The following ALDH2 variants were observed in gnomAD, a reference collection of about 807,000 sequenced individuals.
The protein encoded by ALDH2 is aldehyde dehydrogenase, mitochondrial.
A neutral mutation model predicts 59.6 loss-of-function variants in ALDH2; 44 were observed. The observed-to-expected ratio is 0.74, with a 90% confidence interval of 0.58 to 0.95. The LOEUF is 0.95. Among genes scored for constraint, ALDH2 ranks in the 40% least tolerant of loss-of-function variants. ALDH2 has a pLI of 0.00. For missense variants in ALDH2, 570 were observed against 696.3 expected (o/e 0.82, Z 2.04); for synonymous variants, 291 against 284.0 (o/e 1.02, Z -0.25).
chr12:111,794,584 G>A (rs918178637), intron 9 of ALDH2, among the ~76,000 whole-genome samples: 19 of 152,072 alleles, frequency 1.2e-4, no homozygotes, highest in African/African-American at 4.3e-4. Flanking sequence ...ATGGCTCACT[G>A]CAGGCTTAAC....
chr12:111,791,463 G>A (rs771626523), intron 7 of ALDH2, 44 bp downstream of exon 7: 1 of 1,460,208 alleles, frequency 6.8e-7, no homozygotes, highest in Admixed American at 1.8e-5. Context: ...CTTGGCCCAA[G>A]CTCCCCCTGT....
At position 111,815,739 on chromosome 12, in the gene ALDH2, A is replaced by G. The variant is rs901714526; in HGVS notation, c.*6164A>G. 1.3e-5 allele frequency: 2 copies of G among 151,246 alleles called. No homozygotes were observed. The highest frequency in any genetic ancestry group is 1.5e-5 in the Non-Finnish European group (1 of 68,020). The allele number at this position is 151,246 out of a possible 1,614,324, so 9.4% of individuals were successfully genotyped here. ...ATCCTCCCACCTCAGCCTCCTGAGT[A>G]GCTGGGATTATAGGCGTGCACTACC... On this transcript the variant is annotated 3_prime_UTR_variant, in exon 13 of 13. Coordinates refer to ENST00000261733, the MANE Select transcript of ALDH2 (RefSeq NM_000690.4).
intron 6 of ALDH2, among the ~76,000 whole-genome samples, 157 bp downstream of exon 6, chr12:111,790,719 C>T (rs1005143053): frequency 1.3e-5 from 2 of 152,094 alleles, no homozygotes; most frequent in Non-Finnish European, 2.9e-5. Context: ...TAGCTTTTTT[C>T]CACATTGGAC....
chr12:111,804,131 C>G (rs2068475027), intron 12 of ALDH2, among the ~76,000 whole-genome samples, 158 bp downstream of exon 12: 1 of 151,968 alleles, frequency 6.6e-6, no homozygotes, highest in Non-Finnish European at 1.5e-5. Context: ...AGTTCAGGAC[C>G]TGCTGGGGAT....
At position 111,812,035 on chromosome 12, in the gene ALDH2, C is replaced by G. The variant is rs959108541; in HGVS notation, c.*2460C>G. On this transcript the variant is annotated 3_prime_UTR_variant, in exon 13 of 13. Transcript: ENST00000261733. Reference sequence around the variant, plus strand: ...AGGTAAGGTCACGTGGGTCACGTGTCCACTGGACAGGGGGCCCTTCCCTGC... The same window carrying G: ...AGGTAAGGTCACGTGGGTCACGTGTGCACTGGACAGGGGGCCCTTCCCTGC... 6.5e-6 allele frequency: 1 copy of G among 153,900 alleles called. No individual in the cohort carries two copies. The highest frequency in any genetic ancestry group is 1.4e-5 in the Non-Finnish European group (1 of 69,170). The allele number at this position is 153,900 out of a possible 1,614,324, so 9.5% of individuals were successfully genotyped here.
In ALDH2 at chr12:111,803,907, C is replaced by T; in HGVS notation, c.1455C>T (p.Tyr485=). Residue 485 remains tyrosine, a synonymous_variant, in exon 12 of 13, where the codon TAC becomes TAT. Coordinates refer to ENST00000261733, the MANE Select transcript of ALDH2 (RefSeq NM_000690.4). ...VFGAQSPFGG[Y]KMSGSGRELG... ...GAGCCCAGTCACCCTTTGGTGGCTA[C>T]AAGATGTCGGGGAGTGGCCGGGAGT... 1.9e-6 allele frequency: 3 copies of T among 1,613,526 alleles called. No individual in the cohort carries two copies. Among genetic ancestry groups the T allele is most frequent in the Non-Finnish European group, 1.7e-6 (2 of 1,179,728 alleles).
rs1193199171 is a variant in ALDH2, at chr12:111,816,015, A to C, written c.*6440A>C. The C allele has an allele frequency of 6.6e-6, 1 of 152,130 alleles. No individual in the cohort carries two copies. The highest frequency in any genetic ancestry group is 1.5e-5 in the Non-Finnish European group (1 of 68,036). The allele number at this position is 152,130 out of a possible 1,614,324, so 9.4% of individuals were successfully genotyped here. A position where few individuals can be genotyped will look rare whatever the true frequency, so the allele number is the denominator to read the frequency against. ...TGATAGTACGGATATTTATCCCCTC[A>C]AAATCTCATGTTAAAATGTAATCTT... On this transcript the variant is annotated 3_prime_UTR_variant, in exon 13 of 13. Transcript: ENST00000261733.
intron 4 of ALDH2, among the ~76,000 whole-genome samples, chr12:111,789,178 CAGCTAATTTT>C (rs1448255046): frequency 3.0e-4 from 46 of 151,290 alleles, no homozygotes; most frequent in African/African-American, 1.1e-3. Flanking sequence ...CCACCACGCC[CAGCTAATTTT>C]TTGTATTTTT....
In ALDH2 at chr12:111,767,089, G is replaced by T. The variant is rs2068164646; in HGVS notation, c.107G>T (p.Cys36Phe). ...CCCAACCAGCAGCCCGAGGTCTTCT[G>T]CAACCAGGTGAGCCCACCGGCCGGG... ...PAPNQQPEVF[C>F]NQIFINNEWH... The change falls in exon 1 of 13, where the codon TGC becomes TTC. Residue 36 changes from cysteine to phenylalanine, a missense_variant. Coordinates refer to ENST00000261733, the MANE Select transcript of ALDH2 (RefSeq NM_000690.4). 1 of 1,507,062 alleles carries T rather than the reference G, an allele frequency of 6.6e-7. No homozygotes were observed. 93.4% of individuals were successfully genotyped at this position (1,507,062 alleles called of 1,614,324 possible).
chr12:111,780,451 T>A (rs373644927), intron 1 of ALDH2, among the ~76,000 whole-genome samples: 1 of 152,344 alleles, frequency 6.6e-6, no homozygotes, highest in East Asian at 1.9e-4. Context: ...TTCTCAAATC[T>A]ACCAGACTTA....
chr12:111,778,927 C>T (rs771351435), intron 1 of ALDH2, among the ~76,000 whole-genome samples: 4 of 151,690 alleles, frequency 2.6e-5, no homozygotes, highest in Non-Finnish European at 4.4e-5. Context: ...GATGCAATCA[C>T]GGCTTACTGC....
Position 111,814,611 on chromosome 12 carries a change from G to C in ALDH2, c.*5036G>C, listed in dbSNP as rs2068559093. The stretch of plus-strand genomic sequence containing the variant: ...TGTAATCTCAGCATTTTGGGATACT[G>C]AGGCGGGTGGATTACCTGAGGCCAG... On this transcript the variant is annotated 3_prime_UTR_variant, in exon 13 of 13. Transcript: ENST00000261733. 1 of 150,998 alleles carries C rather than the reference G, an allele frequency of 6.6e-6. No individual in the cohort carries two copies. Among genetic ancestry groups the C allele is most frequent in the African/African-American group, 2.4e-5 (1 of 41,052 alleles). The allele number at this position is 150,998 out of a possible 1,614,324, so 9.4% of individuals were successfully genotyped here.
intron 9 of ALDH2, among the ~76,000 whole-genome samples, chr12:111,797,862 A>T (rs957811357): frequency 6.6e-6 from 1 of 152,142 alleles, no homozygotes; most frequent in African/African-American, 2.4e-5. Context: ...TTGAAAAGTA[A>T]AGATTGATTT....
At chr12:111,797,228 T>C (rs563802560) in intron 9 of ALDH2, among the ~76,000 whole-genome samples, 66 of 152,326 alleles carry the variant, frequency 4.3e-4, no homozygotes, top group South Asian at 3.1e-3. Flanking sequence ...CCACTGCCCC[T>C]GGCCCAAGCT....
intron 2 of ALDH2, 117 bp downstream of exon 2, chr12:111,782,139 G>A: frequency 1.3e-6 from 1 of 745,324 alleles, no homozygotes; most frequent in Non-Finnish European, 2.3e-6. Context: ...ACAGATACCA[G>A]TGAAAAATTC....
In ALDH2 at chr12:111,790,421, T is replaced by C. The variant is rs762429882; in HGVS notation, c.553-13T>C. On this transcript the variant is annotated splice_polypyrimidine_tract_variant and intron_variant, in intron 5 of 12. Transcript: ENST00000261733. Reference sequence around the variant, plus strand: ...GAAGCTTGGATTTCGAGGGCTGCTGTTGTTTGTTGCAGTGGAATTTCCCGC... The same window carrying C: ...GAAGCTTGGATTTCGAGGGCTGCTGCTGTTTGTTGCAGTGGAATTTCCCGC... The C allele has an allele frequency of 6.2e-6, 10 of 1,613,986 alleles. No individual in the cohort carries two copies. The highest frequency in any genetic ancestry group is 1.1e-5 in the South Asian group (1 of 91,084).
Position 111,782,049 on chromosome 12 carries a change from G to A in ALDH2, c.219+27G>A, listed in dbSNP as rs761027124. The A allele has an allele frequency of 3.9e-6, 6 of 1,551,234 alleles. No individual in the cohort carries two copies. The Admixed American group carries it at 6.7e-5, about 17-fold the overall frequency. On this transcript the variant is annotated intron_variant, in intron 2 of 12. Coordinates refer to ENST00000261733, the MANE Select transcript of ALDH2 (RefSeq NM_000690.4). ...TGAGAACTGGTGACTTACCTTGGGG[G>A]AGGGATGGATTCGTCTTCTATTTTA...
chr12:111,773,022 G>C (rs895415237), intron 1 of ALDH2, among the ~76,000 whole-genome samples: 6 of 151,756 alleles, frequency 4.0e-5, no homozygotes, highest in African/African-American at 1.4e-4. Context: ...ACCTTGGGAG[G>C]CCGAGGCAGG....
intron 12 of ALDH2, among the ~76,000 whole-genome samples, chr12:111,804,405 G>A (rs925506047): frequency 5.9e-5 from 9 of 152,172 alleles, no homozygotes; most frequent in South Asian, 2.1e-4. Context: ...GGGGCGGAGC[G>A]GAGAGGAAAA....
Sources: gnomAD v4.1 joint callset for allele counts (sites outside exome capture counted in the v4.1 genomes callset) on GRCh38, gnomAD v4.1.1 for gene constraint, MANE v1.5 for transcripts, NCBI Gene and HGNC (gene_info 2026-07-23, HGNC 2026-07-21) for gene names.